FBXL3: variants seen among roughly 807,000 people sequenced by gnomAD.
FBXL3 encodes F-box/LRR-repeat protein 3.
In FBXL3, 14 loss-of-function variants were observed where a neutral mutation model predicts 37.9. That is an observed-to-expected ratio of 0.37 (90% confidence interval 0.24 to 0.58). The LOEUF (loss-of-function observed/expected upper bound fraction) is 0.58. Among genes scored for constraint, FBXL3 ranks in the 20% least tolerant of loss-of-function variants. The pLI, the probability that FBXL3 is intolerant of heterozygous loss-of-function variation, is 0.74. For missense variants in FBXL3, 327 were observed against 511.1 expected (o/e 0.64, Z 3.47); for synonymous variants, 194 against 180.1 (o/e 1.08, Z -0.62).
chr13:77,025,521 G>C (rs1452501198), intron 1 of FBXL3, among the ~76,000 whole-genome samples: 1 of 152,030 alleles, frequency 6.6e-6, no homozygotes, highest in Non-Finnish European at 1.5e-5. Context: ...TCAGTAGTTT[G>C]AGACCAGCCT....
rs1054486987 is a variant in FBXL3 at position 77,005,408 on chromosome 13, C to G, written c.*1737G>C. 2 of 152,450 alleles carry G rather than the reference C, an allele frequency of 1.3e-5. No homozygotes were observed. The highest frequency in any genetic ancestry group is 2.4e-5 in the African/African-American group (1 of 41,416). 9.4% of individuals were successfully genotyped at this position (152,450 alleles called of 1,614,324 possible). ...TCAATTTGTACAAAAAGTAAATTTC[C>G]AAATACAAGCTTTGGTTAGTAGAAC... On this transcript the variant is annotated 3_prime_UTR_variant, in exon 5 of 5. Coordinates refer to ENST00000355619, the MANE Select transcript of FBXL3 (RefSeq NM_012158.4).
intron 1 of FBXL3, among the ~76,000 whole-genome samples, chr13:77,024,026 T>C (rs2034794950): frequency 6.6e-6 from 1 of 152,080 alleles, no homozygotes. Flanking sequence ...ACCCTACTGA[T>C]CAGGGAGAGA....
chr13:77,006,778 A>ATT lies in FBXL3; in HGVS notation c.*365_*366dup. On this transcript the variant is annotated 3_prime_UTR_variant, in exon 5 of 5. Transcript: ENST00000355619. ...GAAGACCCTAAAATGTCAAGTTTAC[A>ATT]TTTTTTTTTAAATGCATAGAGAATA... 1.0e-6 allele frequency: 1 copy of ATT among 979,380 alleles called. No homozygotes were observed. Among genetic ancestry groups the ATT allele is most frequent in the Non-Finnish European group, 1.2e-6 (1 of 815,930 alleles). The allele number at this position is 979,380 out of a possible 1,614,324, so 60.7% of individuals were successfully genotyped here.
chr13:77,011,449 C>T (rs142264374), intron 4 of FBXL3, among the ~76,000 whole-genome samples: 1,652 of 151,890 alleles, frequency 0.011, 25 homozygotes, highest in African/African-American at 0.038. Context: ...AGGTCAGGCA[C>T]GGTGGCTCTC....
intron 3 of FBXL3, 178 bp downstream of exon 3, chr13:77,018,420 TTA>T (rs2034682210): frequency 3.4e-5 from 10 of 297,946 alleles, no homozygotes; most frequent in East Asian, 4.5e-5. Context: ...GTATGGTGAT[TTA>T]AAAAAAAAAA....
chr13:77,024,278 T>C (rs1237726514), intron 1 of FBXL3, among the ~76,000 whole-genome samples: 1 of 152,190 alleles, frequency 6.6e-6, no homozygotes, highest in Non-Finnish European at 1.5e-5. Flanking sequence ...ACTTTAATTT[T>C]AGTATATAAA....
At chr13:77,025,701 A>AAC (rs1380438358) in intron 1 of FBXL3, among the ~76,000 whole-genome samples, 7 of 151,282 alleles carry the variant, frequency 4.6e-5, no homozygotes, top group Non-Finnish European at 8.9e-5. Context: ...AAAAAAAAAA[A>AAC]AAAAAAAAAA....
intron 2 of FBXL3, among the ~76,000 whole-genome samples, chr13:77,019,884 G>C (rs1468104767): frequency 2.0e-5 from 3 of 151,098 alleles, no homozygotes; most frequent in African/African-American, 4.9e-5. Context: ...TTGCACAAAT[G>C]ATTTTATGAG....
intron 1 of FBXL3, 99 bp downstream of exon 1, chr13:77,026,728 C>CCCCCACCCCA (rs971647506): frequency 2.3e-5 from 3 of 128,502 alleles, no homozygotes; most frequent in African/African-American, 8.5e-5. Context: ...CCCGCGCCCC[C>CCCCCACCCCA]CCCCACCCCA....
chr13:77,015,910 A>AT (rs1481199129), intron 3 of FBXL3: 1 of 163,962 alleles, frequency 6.1e-6, no homozygotes, highest in African/African-American at 2.4e-5. Flanking sequence ...TCATTTTGCC[A>AT]TATCTGGAAA....
chr13:77,018,780 C>T (rs2034689927), intron 2 of FBXL3, 58 bp from the exon 3 acceptor site: 1 of 1,399,326 alleles, frequency 7.1e-7, no homozygotes, highest in Admixed American at 2.6e-5. Flanking sequence ...ACTTTTTTCC[C>T]CAAATACCCA....
At chr13:77,013,035 A>G (rs1238565689) in intron 4 of FBXL3, 1 of 152,374 alleles carries the variant, frequency 6.6e-6, no homozygotes, top group African/African-American at 2.4e-5. Context: ...GGCCTCCCAA[A>G]GTGCTGGGAT....
intron 1 of FBXL3, chr13:77,026,297 C>T: frequency 1.0e-6 from 1 of 985,472 alleles, no homozygotes; most frequent in Non-Finnish European, 1.2e-6. Context: ...CCAAGTTTTT[C>T]GCCTGGCTAA....
chr13:77,006,680 T>A lies in FBXL3; in HGVS notation c.*465A>T, dbSNP rs1377737188. The A allele has an allele frequency of 9.3e-6, 3 of 321,018 alleles. No individual in the cohort carries two copies. Among genetic ancestry groups the A allele is most frequent in the African/African-American group, 6.7e-5 (3 of 44,554 alleles). 19.9% of individuals were successfully genotyped at this position (321,018 alleles called of 1,614,324 possible). A position where few individuals can be genotyped will look rare whatever the true frequency, so the allele number is the denominator to read the frequency against. ...CCAATCTTTTCCATTAGATATGATA[T>A]ATTCATTTTTCTCACAAAATGCTCA... is the stretch of plus-strand genomic sequence containing the variant. On this transcript the variant is annotated 3_prime_UTR_variant, in exon 5 of 5. Coordinates refer to ENST00000355619, the MANE Select transcript of FBXL3 (RefSeq NM_012158.4).
chr13:77,012,083 G>A (rs1252172783), intron 4 of FBXL3, among the ~76,000 whole-genome samples: 1 of 152,236 alleles, frequency 6.6e-6, no homozygotes, highest in Non-Finnish European at 1.5e-5. Flanking sequence ...ATTAGTGGTT[G>A]TTGAGGGATG....
At chr13:77,024,435 T>G (rs1302082178) in intron 1 of FBXL3, among the ~76,000 whole-genome samples, 1 of 152,210 alleles carries the variant, frequency 6.6e-6, no homozygotes, top group Admixed American at 6.5e-5. Context: ...GAATACTGAT[T>G]GCCTGTTTCT....
In FBXL3 at chr13:77,007,005, T is replaced by A. The variant is rs973564068; in HGVS notation, c.*140A>T. The stretch of plus-strand genomic sequence containing the variant: ...CAAAACTCATTCATGGGTCTTCCGA[T>A]AAACAATCTTTACATATACTGACTG... On this transcript the variant is annotated 3_prime_UTR_variant, in exon 5 of 5. Coordinates refer to ENST00000355619, the MANE Select transcript of FBXL3 (RefSeq NM_012158.4). 3.5e-6 allele frequency: 5 copies of A among 1,422,798 alleles called. No individual in the cohort carries two copies. In the South Asian group the frequency reaches 8.0e-5, roughly 23 times the overall value. The allele number at this position is 1,422,798 out of a possible 1,614,324, so 88.1% of individuals were successfully genotyped here.
intron 2 of FBXL3, among the ~76,000 whole-genome samples, chr13:77,021,271 T>C (rs1280026230): frequency 6.6e-6 from 1 of 152,216 alleles, no homozygotes; most frequent in Non-Finnish European, 1.5e-5. Context: ...GCTTTATCAA[T>C]GACTTATGCT....
chr13:77,016,786 T>G (rs962420281), intron 3 of FBXL3: 2 of 152,200 alleles, frequency 1.3e-5, no homozygotes, highest in African/African-American at 2.4e-5. Flanking sequence ...CTGCCTCGGC[T>G]TCCCAAAGTA....
Sources: gnomAD v4.1 joint callset for allele counts (sites outside exome capture counted in the v4.1 genomes callset) on GRCh38, gnomAD v4.1.1 for gene constraint, MANE v1.5 for transcripts, NCBI Gene and HGNC (gene_info 2026-07-23, HGNC 2026-07-21) for gene names.